CPED1: variants seen among roughly 807,000 people sequenced by gnomAD.
The protein encoded by CPED1 is cadherin like and PC-esterase domain containing 1.
In CPED1, 114 loss-of-function variants were observed where a neutral mutation model predicts 128.2. The ratio of observed to expected loss-of-function variants is 0.89; its 90% CI spans 0.76 to 1.04. The LOEUF (loss-of-function observed/expected upper bound fraction) is 1.04. Ranked by LOEUF, CPED1 falls within the 50% of genes least tolerant of loss-of-function variation. The probability of loss-of-function intolerance (pLI) is 0.00; values close to 1 mark genes in which losing one functional copy is unlikely to be tolerated. For synonymous variants in CPED1, 462 were observed against 426.7 expected, an observed-to-expected ratio of 1.08 and a Z score of -1.02; for missense variants, 1,211 against 1,207.1, an observed-to-expected ratio of 1.00 and a Z score of -0.05.
intron 5 of CPED1, among the ~76,000 whole-genome samples, chr7:121,085,633 A>G (rs1231234342): frequency 6.6e-6 from 1 of 152,028 alleles, no homozygotes; most frequent in African/African-American, 2.4e-5. Context: ...TTTCTTTAGG[A>G]GAGATTCCTT....
At chr7:120,996,062 T>G (rs1045774695) in intron 2 of CPED1, among the ~76,000 whole-genome samples, 1 of 151,636 alleles carries the variant, frequency 6.6e-6, no homozygotes, top group African/African-American at 2.4e-5. Flanking sequence ...GAGGATCACT[T>G]AAGTCCAGGA....
chr7:121,217,430 C>G (rs891911996), intron 16 of CPED1, among the ~76,000 whole-genome samples: 1 of 151,952 alleles, frequency 6.6e-6, no homozygotes, highest in South Asian at 2.1e-4. Flanking sequence ...TTAACTAGTT[C>G]GGCTTTTCTC....
chr7:121,277,680 C>T (rs1208893876), intron 22 of CPED1, among the ~76,000 whole-genome samples: 2 of 151,996 alleles, frequency 1.3e-5, no homozygotes, highest in East Asian at 1.9e-4. Flanking sequence ...TCCCCCTGAG[C>T]GAATTAAATA....
At chr7:121,092,882 C>T (rs1414777711) in intron 5 of CPED1, among the ~76,000 whole-genome samples, 1 of 152,174 alleles carries the variant, frequency 6.6e-6, no homozygotes, top group Non-Finnish European at 1.5e-5. Flanking sequence ...CCATTTATAG[C>T]ACATATTTAA....
chr7:121,025,115 T>C (rs1792542886), intron 3 of CPED1, among the ~76,000 whole-genome samples: 1 of 152,128 alleles, frequency 6.6e-6, no homozygotes, highest in Non-Finnish European at 1.5e-5. Flanking sequence ...TTAGACTTGA[T>C]GTTTCCCAAA....
intron 16 of CPED1, among the ~76,000 whole-genome samples, chr7:121,235,381 T>C (rs1798228521): frequency 6.6e-6 from 1 of 152,138 alleles, no homozygotes; most frequent in African/African-American, 2.4e-5. Context: ...TGAAAATATG[T>C]ACACTGAATC....
intron 18 of CPED1, among the ~76,000 whole-genome samples, chr7:121,245,615 T>C (rs559462133): frequency 1.3e-5 from 2 of 151,892 alleles, no homozygotes; most frequent in Admixed American, 6.5e-5. Context: ...TTATCATATC[T>C]TTTTTCTGCT....
At chr7:121,079,294 AC>A (rs1794220288) in intron 5 of CPED1, among the ~76,000 whole-genome samples, 1 of 152,240 alleles carries the variant, frequency 6.6e-6, no homozygotes, top group Admixed American at 6.5e-5. Context: ...AGAAAGAGAC[AC>A]TGGACAAAAA....
intron 18 of CPED1, among the ~76,000 whole-genome samples, chr7:121,248,216 AT>A (rs1798582418): frequency 1.5e-5 from 2 of 136,268 alleles, no homozygotes; most frequent in Non-Finnish European, 3.4e-5. Flanking sequence ...GAGGGATGAC[AT>A]GTGTGGTTTC....
chr7:121,260,453 T>A (rs895858158), intron 18 of CPED1, among the ~76,000 whole-genome samples: 1 of 151,944 alleles, frequency 6.6e-6, no homozygotes, highest in African/African-American at 2.4e-5. Context: ...ATTAGCCGTC[T>A]GACCAGTCTC....
At chr7:121,099,884 C>A (rs201397213) in intron 6 of CPED1, 42 bp from the exon 7 acceptor site, 174 of 1,586,064 alleles carry the variant, frequency 1.1e-4, no homozygotes, top group Middle Eastern at 1.7e-4. Flanking sequence ...TGTACTCAAC[C>A]CTACATTATG....
intron 5 of CPED1, among the ~76,000 whole-genome samples, chr7:121,092,727 C>T (rs757790249): frequency 2.2e-4 from 34 of 152,134 alleles, no homozygotes; most frequent in Non-Finnish European, 4.6e-4. Flanking sequence ...CCTCTTCCCA[C>T]GAGGCTTATT....
chr7:121,122,193 T>C (rs959701808), intron 7 of CPED1, among the ~76,000 whole-genome samples: 1 of 144,210 alleles, frequency 6.9e-6, no homozygotes, highest in Non-Finnish European at 1.5e-5. Context: ...CAGGCTGCAG[T>C]GCATTGGTGT....
chr7:121,145,946 A>T (rs1196603322), intron 16 of CPED1, among the ~76,000 whole-genome samples: 2 of 152,086 alleles, frequency 1.3e-5, no homozygotes, highest in Non-Finnish European at 2.9e-5. Context: ...AACTTTTATT[A>T]TATTTTATTT....
intron 17 of CPED1, among the ~76,000 whole-genome samples, chr7:121,243,033 C>T (rs376928885): frequency 6.6e-6 from 1 of 152,052 alleles, no homozygotes; most frequent in South Asian, 2.1e-4. Context: ...ATCCTTTCCC[C>T]TAAAATTAAT....
intron 3 of CPED1, 24 bp from the exon 4 acceptor site, chr7:121,046,863 T>C: frequency 6.8e-7 from 1 of 1,464,906 alleles, no homozygotes; most frequent in Non-Finnish European, 9.4e-7. Flanking sequence ...AACTTATTTG[T>C]TTTGAATATT....
At chr7:121,144,639 C>T (rs1207775857) in intron 16 of CPED1, among the ~76,000 whole-genome samples, 2 of 151,858 alleles carry the variant, frequency 1.3e-5, no homozygotes, top group African/African-American at 2.4e-5. Flanking sequence ...CTGTAGTTAG[C>T]AGTAATTCAT....
rs1792843685 is a variant in CPED1, at chr7:121,297,436, C to G, written c.*1784C>G. On this transcript the variant is annotated 3_prime_UTR_variant, in exon 23 of 23. Coordinates refer to ENST00000310396, the MANE Select transcript of CPED1 (RefSeq NM_024913.5). ...AATAATATCATTAATAAATGTCTTA[C>G]TAGTAATAGTCTGTGTTTGTAGAGT... The G allele has an allele frequency of 6.6e-6, 1 of 151,998 alleles. No individual in the cohort carries two copies. Among genetic ancestry groups the G allele is most frequent in the African/African-American group, 2.4e-5 (1 of 41,384 alleles). The allele number at this position is 151,998 out of a possible 1,614,324, so 9.4% of individuals were successfully genotyped here.
intron 16 of CPED1, among the ~76,000 whole-genome samples, chr7:121,175,556 T>G (rs1796755940): frequency 1.3e-5 from 2 of 152,096 alleles, no homozygotes; most frequent in South Asian, 4.1e-4. Flanking sequence ...CTTTCAAATG[T>G]AGGTAGTTTG....
Sources: allele counts gnomAD v4.1 joint callset (sites outside exome capture counted in the v4.1 genomes callset), GRCh38; gene constraint gnomAD v4.1.1; transcripts MANE v1.5; gene names NCBI Gene and HGNC (gene_info 2026-07-23, HGNC 2026-07-21).